The following CADM2 variants were observed in gnomAD, a reference collection of about 807,000 sequenced individuals.
The protein encoded by CADM2 is immunoglobulin superfamily member 4D.
A neutral mutation model predicts 49.8 loss-of-function variants in CADM2; 12 were observed. The ratio of observed to expected loss-of-function variants is 0.24; its 90% CI spans 0.15 to 0.39. The LOEUF is 0.39. Among genes scored for constraint, CADM2 ranks in the 10% least tolerant of loss-of-function variants. The pLI, the probability that CADM2 is intolerant of heterozygous loss-of-function variation, is 1.00. For synonymous variants in CADM2, 214 were observed against 175.4 expected (o/e 1.22, Z -1.74); for missense variants, 378 against 492.3 (o/e 0.77, Z 2.20).
intron 1 of CADM2, among the ~76,000 whole-genome samples, chr3:85,500,208 T>G (rs1397369389): frequency 6.6e-6 from 1 of 152,192 alleles, no homozygotes; most frequent in Non-Finnish European, 1.5e-5. Context: ...ATTGCATTAT[T>G]TATCCAGCGC....
chr3:85,162,404 T>A (rs2107669960), intron 1 of CADM2, among the ~76,000 whole-genome samples: 1 of 152,246 alleles, frequency 6.6e-6, no homozygotes. Flanking sequence ...TCAACAAGCA[T>A]GTCAAAAAAT....
rs914382007 is a variant in CADM2, at chr3:85,672,004, T to C, written c.62-54518T>C. 5.9e-5 allele frequency among the ~76,000 whole-genome samples: 9 copies of C among 152,250 alleles called. No homozygotes were observed. The Middle Eastern group carries it at 0.01, about 173-fold the overall frequency. ...GTTGTCTCTTCTGTTCACTGCAATA[T>C]CCTAAGGTCCTACTATAGTATCTGT... is the stretch of plus-strand genomic sequence containing the variant. On this transcript the variant is annotated intron_variant, in intron 1 of 9. Coordinates refer to ENST00000383699, the MANE Select transcript of CADM2 (RefSeq NM_001167675.2).
intron 1 of CADM2, among the ~76,000 whole-genome samples, chr3:85,043,040 G>T (rs1307692113): frequency 6.6e-6 from 1 of 152,126 alleles, no homozygotes; most frequent in Non-Finnish European, 1.5e-5. Flanking sequence ...AAAGGCATTT[G>T]AGCTAGGGGT....
chr3:85,253,342 C>T (rs2042816019), intron 1 of CADM2, among the ~76,000 whole-genome samples: 1 of 151,974 alleles, frequency 6.6e-6, no homozygotes, highest in South Asian at 2.1e-4. Flanking sequence ...TTAAATATTC[C>T]ACTAACTCAG....
chr3:85,906,078 C>T (rs183849428), intron 5 of CADM2, among the ~76,000 whole-genome samples: 80 of 152,212 alleles, frequency 5.3e-4, no homozygotes, highest in African/African-American at 1.9e-3. Context: ...ACAGAAGTTG[C>T]TCAAATGCGT....
intron 1 of CADM2, among the ~76,000 whole-genome samples, chr3:85,395,081 C>T (rs1018087892): frequency 4.0e-5 from 6 of 151,120 alleles, no homozygotes; most frequent in Non-Finnish European, 7.4e-5. Context: ...ACCCAAATAA[C>T]GAATGCACGC....
intron 1 of CADM2, among the ~76,000 whole-genome samples, chr3:85,315,923 G>A (rs1477644095): frequency 6.6e-6 from 1 of 152,078 alleles, no homozygotes; most frequent in Non-Finnish European, 1.5e-5. Context: ...ACACGCCTAT[G>A]TGTATTATTA....
chr3:85,874,565 G>A (rs1711553023), intron 3 of CADM2, among the ~76,000 whole-genome samples: 1 of 152,036 alleles, frequency 6.6e-6, no homozygotes, highest in East Asian at 1.9e-4. Flanking sequence ...TCTATGAGGA[G>A]ACCAATATAT....
intron 1 of CADM2, among the ~76,000 whole-genome samples, chr3:85,316,535 G>T (rs991384979): frequency 6.6e-6 from 1 of 152,090 alleles, no homozygotes; most frequent in African/African-American, 2.4e-5. Context: ...TGAAATATTT[G>T]TTAAATAGGT....
chr3:85,667,969 A>G (rs1476816646), intron 1 of CADM2, among the ~76,000 whole-genome samples: 2 of 152,082 alleles, frequency 1.3e-5, no homozygotes, highest in Non-Finnish European at 2.9e-5. Flanking sequence ...CTATTTCTGT[A>G]TATGTGAAGG....
chr3:85,568,518 C>T (rs181824722), intron 1 of CADM2, among the ~76,000 whole-genome samples: 4,188 of 80,018 alleles, frequency 0.052, 687 homozygotes, highest in African/African-American at 0.21. Context: ...TTTCTTTCCT[C>T]CCTCCCTCCC....
At chr3:85,900,834 G>T (rs1577608608) in intron 5 of CADM2, among the ~76,000 whole-genome samples, 2 of 152,120 alleles carry the variant, frequency 1.3e-5, no homozygotes, top group Admixed American at 1.3e-4. Flanking sequence ...TCATATGTGA[G>T]GAAAATACCT....
chr3:85,856,636 A>C (rs1218429975), intron 3 of CADM2, among the ~76,000 whole-genome samples: 1 of 152,208 alleles, frequency 6.6e-6, no homozygotes, highest in Non-Finnish European at 1.5e-5. Flanking sequence ...ATTGTTTGGA[A>C]ATGGTAAAAT....
At chr3:85,998,487 C>A (rs1729714181) in intron 8 of CADM2, among the ~76,000 whole-genome samples, 1 of 151,996 alleles carries the variant, frequency 6.6e-6, no homozygotes, top group Non-Finnish European at 1.5e-5. Flanking sequence ...ATAAAGAGAG[C>A]AGTACACATT....
At chr3:85,913,026 CATT>C (rs1297770449) in intron 6 of CADM2, among the ~76,000 whole-genome samples, 3 of 152,082 alleles carry the variant, frequency 2.0e-5, no homozygotes, top group Non-Finnish European at 1.5e-5. Context: ...TCATCATCAT[CATT>C]ATTCACAATC....
At chr3:85,011,009 G>A (rs1030253791) in intron 1 of CADM2, among the ~76,000 whole-genome samples, 1 of 151,102 alleles carries the variant, frequency 6.6e-6, no homozygotes. Context: ...GACTACAGGC[G>A]CCTGCCACCA....
intron 8 of CADM2, among the ~76,000 whole-genome samples, chr3:85,997,368 G>A (rs907276396): frequency 2.0e-5 from 3 of 152,008 alleles, no homozygotes; most frequent in Admixed American, 6.6e-5. Flanking sequence ...TATAAGCTGA[G>A]GAACATAATT....
intron 1 of CADM2, among the ~76,000 whole-genome samples, chr3:85,570,111 GA>G (rs2062432412): frequency 6.6e-6 from 1 of 152,084 alleles, no homozygotes; most frequent in Admixed American, 6.5e-5. Context: ...TTATAGATTT[GA>G]CAAATTAATT....
chr3:85,975,056 G>C (rs1726603789), intron 8 of CADM2, among the ~76,000 whole-genome samples: 1 of 151,302 alleles, frequency 6.6e-6, no homozygotes, highest in Non-Finnish European at 1.5e-5. Context: ...TAGATAGATA[G>C]ATAGAGGTCC....
Sources: allele counts gnomAD v4.1 joint callset (sites outside exome capture counted in the v4.1 genomes callset), GRCh38; gene constraint gnomAD v4.1.1; transcripts MANE v1.5; gene names NCBI Gene and HGNC (gene_info 2026-07-23, HGNC 2026-07-21).